Variants in ENOX1 observed in about 807,000 individuals in gnomAD.
ENOX1 encodes the protein ecto-NOX disulfide-thiol exchanger 1.
ENOX1 carries 42 observed loss-of-function variants against 82.5 expected under a neutral mutation model. The observed-to-expected ratio is 0.51, with a 90% confidence interval of 0.40 to 0.66. The LOEUF is 0.66. Ranked by LOEUF, ENOX1 falls within the 30% of genes least tolerant of loss-of-function variation. The pLI is 0.00. For missense variants in ENOX1, 608 were observed against 811.6 expected (o/e 0.75, Z 3.05); for synonymous variants, 271 against 282.2 (o/e 0.96, Z 0.40).
At chr13:43,381,766 G>A (rs574424150) in intron 5 of ENOX1, among the ~76,000 whole-genome samples, 1 of 151,796 alleles carries the variant, frequency 6.6e-6, no homozygotes, top group South Asian at 2.1e-4. Flanking sequence ...TTAACAACTT[G>A]GAATAGATTT....
intron 3 of ENOX1, among the ~76,000 whole-genome samples, chr13:43,419,242 G>C (rs2054827845): frequency 1.3e-5 from 2 of 152,224 alleles, no homozygotes; most frequent in South Asian, 4.2e-4. Context: ...AAAGAAAAAG[G>C]CTGGGTGTGG....
intron 1 of ENOX1, among the ~76,000 whole-genome samples, chr13:43,747,775 T>C (rs1177439137): frequency 1.3e-5 from 2 of 152,308 alleles, no homozygotes; most frequent in Middle Eastern, 3.4e-3. Context: ...GATTCAGCAA[T>C]ACCCTCTGGA....
intron 3 of ENOX1, among the ~76,000 whole-genome samples, chr13:43,420,852 G>T (rs187573266): frequency 2.8e-4 from 43 of 152,210 alleles, no homozygotes; most frequent in Non-Finnish European, 5.9e-5. Context: ...TAGCTAATGG[G>T]ATTATATAAC....
chr13:43,661,903 T>C (rs11147922), intron 2 of ENOX1, among the ~76,000 whole-genome samples: 85,402 of 152,040 alleles, frequency 0.56, 24,164 homozygotes, highest in Non-Finnish European at 0.6. Context: ...TTCTCATCAT[T>C]TGTCTCATTA....
intron 12 of ENOX1, among the ~76,000 whole-genome samples, chr13:43,291,323 T>C (rs1336476514): frequency 6.6e-6 from 1 of 152,212 alleles, no homozygotes; most frequent in Non-Finnish European, 1.5e-5. Context: ...TCTGGACCAT[T>C]AGTCCTGCCA....
rs1369950104 is a variant in ENOX1 at position 43,214,111 on chromosome 13, T to C, written c.1811A>G (p.Asn604Ser). The C allele has an allele frequency of 1.2e-6, 2 of 1,612,844 alleles. No homozygotes were observed. Among genetic ancestry groups the C allele is most frequent in the Admixed American group, 1.7e-5 (1 of 59,906 alleles). The change falls in exon 17 of 17, where the codon AAT (asparagine) becomes AGT (serine). Residue 604 changes from asparagine (N) to serine (S), a missense_variant. By Grantham distance (46) the Asn-to-Ser change is conservative. Coordinates refer to ENST00000690772, the MANE Select transcript of ENOX1 (RefSeq NM_001347969.2). ...MQQLDSKISA[N>S]EIEMLLMRLP... ...CCTCATCAAAAGCATTTCTATTTCA[T>C]TTGCAGATATCTGTTAGAAAGGAAG...
intron 9 of ENOX1, among the ~76,000 whole-genome samples, chr13:43,338,007 T>C (rs773523588): frequency 1.1e-4 from 17 of 152,236 alleles, no homozygotes; most frequent in Non-Finnish European, 2.5e-4. Flanking sequence ...TCAACCCTTC[T>C]GCACTGCTGC....
chr13:43,700,681 T>A (rs1460719861), intron 1 of ENOX1, among the ~76,000 whole-genome samples: 3 of 152,108 alleles, frequency 2.0e-5, no homozygotes, highest in African/African-American at 7.2e-5. Context: ...CAAACGCCCT[T>A]TAAATCAAAA....
chr13:43,465,458 T>C (rs1003193474), intron 3 of ENOX1, among the ~76,000 whole-genome samples: 5 of 152,164 alleles, frequency 3.3e-5, no homozygotes, highest in East Asian at 3.9e-4. Flanking sequence ...CTTATTTTTT[T>C]AGGGCATACC....
At chr13:43,301,974 CTCTCT>C (rs753319053) in intron 11 of ENOX1, among the ~76,000 whole-genome samples, 45 of 152,242 alleles carry the variant, frequency 3.0e-4, no homozygotes, top group Non-Finnish European at 5.0e-4. Flanking sequence ...TTTTATTTCT[CTCTCT>C]TCTCTTTCTT....
intron 2 of ENOX1, among the ~76,000 whole-genome samples, chr13:43,515,057 T>C (rs1165115421): frequency 6.6e-6 from 1 of 152,134 alleles, no homozygotes; most frequent in Non-Finnish European, 1.5e-5. Context: ...AATGCAACAA[T>C]ATTAACCCCA....
chr13:43,382,587 GA>G (rs1225294339), intron 5 of ENOX1, among the ~76,000 whole-genome samples: 2 of 152,140 alleles, frequency 1.3e-5, no homozygotes, highest in Non-Finnish European at 2.9e-5. Context: ...TGTAGAGACA[GA>G]AGATCAGTGG....
At chr13:43,356,186 T>A (rs369352426) in intron 7 of ENOX1, 34 bp from the exon 8 acceptor site, 1 of 1,600,270 alleles carries the variant, frequency 6.2e-7, no homozygotes, top group East Asian at 2.2e-5. Context: ...CACACCATAA[T>A]GTAACAATGG....
chr13:43,479,272 C>T (rs1163080026), intron 3 of ENOX1, among the ~76,000 whole-genome samples: 1 of 152,096 alleles, frequency 6.6e-6, no homozygotes, highest in Non-Finnish European at 1.5e-5. Context: ...TCTGAGGAAG[C>T]TTGTGGCCTA....
chr13:43,731,474 A>G (rs1040434182), intron 1 of ENOX1, among the ~76,000 whole-genome samples: 4 of 151,764 alleles, frequency 2.6e-5, no homozygotes, highest in African/African-American at 9.7e-5. Flanking sequence ...TCACTCAATC[A>G]TAACTCCTTT....
At chr13:43,267,129 C>T (rs12860635) in intron 13 of ENOX1, among the ~76,000 whole-genome samples, 24,923 of 152,062 alleles carry the variant, frequency 0.16, 2,704 homozygotes, top group East Asian at 0.6. Flanking sequence ...TGCAGCCCAC[C>T]CCTCTCCTTC....
At chr13:43,227,585 G>A (rs1347210000) in intron 15 of ENOX1, among the ~76,000 whole-genome samples, 1 of 152,188 alleles carries the variant, frequency 6.6e-6, no homozygotes, top group African/African-American at 2.4e-5. Context: ...CATGGATTTA[G>A]AAGGATGGAG....
chr13:43,567,414 C>T (rs1292234592), intron 2 of ENOX1, among the ~76,000 whole-genome samples: 2 of 151,922 alleles, frequency 1.3e-5, no homozygotes, highest in Non-Finnish European at 2.9e-5. Flanking sequence ...TTTATCTAGT[C>T]CTCTTATAAT....
At chr13:43,466,504 C>A (rs2057726938) in intron 3 of ENOX1, among the ~76,000 whole-genome samples, 1 of 152,068 alleles carries the variant, frequency 6.6e-6, no homozygotes, top group Non-Finnish European at 1.5e-5. Context: ...AAAAGAACAA[C>A]TACAAAAAAT....
Sources: gnomAD v4.1 joint callset for allele counts (sites outside exome capture counted in the v4.1 genomes callset) on GRCh38, gnomAD v4.1.1 for gene constraint, MANE v1.5 for transcripts, NCBI Gene and HGNC (gene_info 2026-07-23, HGNC 2026-07-21) for gene names.